Variants in AGBL4 observed in about 807,000 individuals in gnomAD.
AGBL4 encodes AGBL carboxypeptidase 4.
A neutral mutation model predicts 66.4 loss-of-function variants in AGBL4; 58 were observed. That is an observed-to-expected ratio of 0.87 (90% confidence interval 0.71 to 1.09). AGBL4 has a LOEUF of 1.09. Ranked by LOEUF, AGBL4 falls within the 50% of genes least tolerant of loss-of-function variation. AGBL4 has a pLI of 0.00. For missense variants in AGBL4, 579 were observed against 631.0 expected, an observed-to-expected ratio of 0.92 and a Z score of 0.88; for synonymous variants, 234 against 222.9, an observed-to-expected ratio of 1.05 and a Z score of -0.44.
intron 3 of AGBL4, among the ~76,000 whole-genome samples, chr1:49,413,701 C>G (rs1645366113): frequency 1.3e-5 from 2 of 152,146 alleles, no homozygotes; most frequent in Admixed American, 1.3e-4. Flanking sequence ...TTATCTGCAG[C>G]CACAACAATC....
At chr1:48,853,650 G>A (rs1163443354) in intron 6 of AGBL4, among the ~76,000 whole-genome samples, 1 of 152,094 alleles carries the variant, frequency 6.6e-6, no homozygotes, top group Non-Finnish European at 1.5e-5. Context: ...GAGAGGATTC[G>A]AACATATAAC....
At chr1:49,255,300 G>A (rs1220417575) in intron 3 of AGBL4, among the ~76,000 whole-genome samples, 1 of 151,998 alleles carries the variant, frequency 6.6e-6, no homozygotes, top group Non-Finnish European at 1.5e-5. Context: ...GCATCTATAA[G>A]GAATGTAAAT....
chr1:48,711,913 A>T (rs1396659061), intron 6 of AGBL4, among the ~76,000 whole-genome samples: 1 of 152,180 alleles, frequency 6.6e-6, no homozygotes, highest in East Asian at 1.9e-4. Context: ...AAACTGGAGT[A>T]CATCCTCCTT....
chr1:49,846,813 T>C (rs990895287), intron 2 of AGBL4, among the ~76,000 whole-genome samples: 5 of 152,130 alleles, frequency 3.3e-5, no homozygotes, highest in South Asian at 2.1e-4. Context: ...CCCATACTCA[T>C]GGAGCAGAAG....
At chr1:49,267,219 T>G (rs1557785231) in intron 3 of AGBL4, among the ~76,000 whole-genome samples, 1 of 152,212 alleles carries the variant, frequency 6.6e-6, no homozygotes, top group Non-Finnish European at 1.5e-5. Context: ...TCAAATCACT[T>G]TGAAATTAGT....
At chr1:48,588,341 T>C (rs12069104) in intron 10 of AGBL4, among the ~76,000 whole-genome samples, 173 of 152,352 alleles carry the variant, frequency 1.1e-3, no homozygotes, top group African/African-American at 4.0e-3. Context: ...TCTCAAGTCC[T>C]CTGTTCAAAG....
At chr1:49,302,451 C>T (rs1644763232) in intron 3 of AGBL4, among the ~76,000 whole-genome samples, 1 of 151,764 alleles carries the variant, frequency 6.6e-6, no homozygotes, top group Non-Finnish European at 1.5e-5. Flanking sequence ...AACGGGGTTT[C>T]ACCATGTTAG....
chr1:49,509,447 C>T (rs779134287), intron 3 of AGBL4, among the ~76,000 whole-genome samples: 2 of 151,732 alleles, frequency 1.3e-5, no homozygotes, highest in Non-Finnish European at 2.9e-5. Flanking sequence ...ATATTTTTTA[C>T]AGCTATTTAA....
At position 48,736,371 on chromosome 1, in the gene AGBL4, T is replaced by A; in HGVS notation, c.635-73130A>T. On this transcript the variant is annotated intron_variant, in intron 6 of 13. Transcript: ENST00000371839. The surrounding 1 kb of genome is among the most constrained non-coding windows in gnomAD (Gnocchi z 4.0). ...CCCCAAATCATAACTGCCAAGTTCT[T>A]CGTGTACTTGGAATCTCCTTGGGTT... The A allele has an allele frequency of 6.2e-7, 1 of 1,614,180 alleles. No individual in the cohort carries two copies.
intron 3 of AGBL4, among the ~76,000 whole-genome samples, chr1:49,264,671 G>A (rs754454653): frequency 6.6e-6 from 1 of 151,834 alleles, no homozygotes; most frequent in Non-Finnish European, 1.5e-5. Context: ...TCAGCCTCCT[G>A]AGTAGCTGGG....
At chr1:49,592,664 A>T (rs560927876) in intron 3 of AGBL4, among the ~76,000 whole-genome samples, 7 of 152,360 alleles carry the variant, frequency 4.6e-5, no homozygotes, top group African/African-American at 1.2e-4. Context: ...TCATTAGAGA[A>T]ATGCAAATCA....
At chr1:48,658,742 G>A (rs774477376) in intron 7 of AGBL4, among the ~76,000 whole-genome samples, 2 of 152,132 alleles carry the variant, frequency 1.3e-5, no homozygotes, top group Non-Finnish European at 2.9e-5. Context: ...AAAGCAGAAT[G>A]GGGGAGGAGC....
At chr1:48,538,390 T>C (rs999249940) in intron 12 of AGBL4, among the ~76,000 whole-genome samples, 2 of 152,218 alleles carry the variant, frequency 1.3e-5, no homozygotes, top group Non-Finnish European at 2.9e-5. Context: ...TAGAGATTGT[T>C]GTTATTATCC....
chr1:48,742,808 A>G lies in AGBL4; in HGVS notation c.635-79567T>C, dbSNP rs774031742. ...AGAAAAGAAATCTGTCTAGAACTCCAAGGAAAATAAAAGGCAAATATTTTT... is the reference window on the plus strand; with the variant it reads ...AGAAAAGAAATCTGTCTAGAACTCCGAGGAAAATAAAAGGCAAATATTTTT... On this transcript the variant is annotated intron_variant, in intron 6 of 13. Transcript: ENST00000371839. 4.1e-6 allele frequency: 6 copies of G among 1,462,680 alleles called. No individual in the cohort carries two copies. In the African/African-American group the frequency reaches 7.2e-5, roughly 18 times the overall value. 90.6% of individuals were successfully genotyped at this position (1,462,680 alleles called of 1,614,324 possible).
chr1:49,743,197 C>A (rs867753826), intron 2 of AGBL4, among the ~76,000 whole-genome samples: 1 of 151,984 alleles, frequency 6.6e-6, no homozygotes, highest in Non-Finnish European at 1.5e-5. Context: ...AACTCAAACA[C>A]ATTTACAAGA....
chr1:49,085,596 G>A (rs562646326), intron 4 of AGBL4, among the ~76,000 whole-genome samples: 2 of 151,914 alleles, frequency 1.3e-5, no homozygotes, highest in Non-Finnish European at 2.9e-5. Flanking sequence ...ACTCTGCAGG[G>A]CAATCATCGA....
In AGBL4 at chr1:49,273,155, C is replaced by T. The variant is rs542663199; in HGVS notation, c.283-27291G>A. ...TATTCTCACAGGTCCAGAGCAGTGC[C>T]TCCTGGAAAAAGTTAGATCCACCAG... is the stretch of plus-strand genomic sequence containing the variant. On this transcript the variant is annotated intron_variant, in intron 3 of 13. Coordinates refer to ENST00000371839, the MANE Select transcript of AGBL4 (RefSeq NM_032785.4). 1.1e-3 allele frequency among the ~76,000 whole-genome samples: 172 copies of T among 152,170 alleles called. 1 individual carries two copies. Among genetic ancestry groups the T allele is most frequent in the African/African-American group, 4.1e-3 (169 of 41,526 alleles).
intron 1 of AGBL4, among the ~76,000 whole-genome samples, chr1:49,959,563 A>T (rs1656949976): frequency 2.0e-5 from 3 of 152,076 alleles, no homozygotes; most frequent in Admixed American, 1.3e-4. Flanking sequence ...TGGACGAATT[A>T]ATAAATAAAT....
intron 6 of AGBL4, among the ~76,000 whole-genome samples, chr1:48,798,940 G>A (rs1387710855): frequency 1.3e-5 from 2 of 152,172 alleles, no homozygotes; most frequent in African/African-American, 2.4e-5. Context: ...ATAGTTTGAA[G>A]TCTGGTAATG....
Sources: gnomAD v4.1 joint callset for allele counts (sites outside exome capture counted in the v4.1 genomes callset) on GRCh38, gnomAD v4.1.1 for gene constraint, Gnocchi (gnomAD v3.1) non-coding constraint, MANE v1.5 for transcripts, NCBI Gene and HGNC (gene_info 2026-07-23, HGNC 2026-07-21) for gene names.